Variants in NOS2 observed in about 807,000 individuals in gnomAD.
The protein encoded by NOS2 is nitric oxide synthase, inducible.
NOS2 carries 96 observed loss-of-function variants against 136.0 expected under a neutral mutation model. The observed-to-expected ratio is 0.71, with a 90% CI of 0.60 to 0.84. NOS2 has a LOEUF of 0.84. NOS2 is among the 40% of genes least tolerant of loss of function. The pLI is 0.00. For synonymous variants in NOS2, 539 were observed against 587.5 expected (o/e 0.92, Z 1.20); for missense variants, 1,237 against 1,496.9 (o/e 0.83, Z 2.87).
Position 27,758,733 on chromosome 17 carries a change from G to C in NOS2, c.3354+148C>G, listed in dbSNP as rs945576498. ...GTAAGGCCATCTGACAGCCCACCCA[G>C]CTCAGATCTCAGCCACTGCTAAGAT... On this transcript the variant is annotated intron_variant, in intron 26 of 26. Transcript: ENST00000313735. The C allele has an allele frequency of 1.5e-4, 85 of 551,720 alleles. No individual in the cohort carries two copies. In the South Asian group the frequency reaches 2.1e-3, roughly 14 times the overall value. The allele number at this position is 551,720 out of a possible 1,614,324, so 34.2% of individuals were successfully genotyped here. A position where few individuals can be genotyped will look rare whatever the true frequency, so the allele number is the denominator to read the frequency against.
At chr17:27,786,615 G>A (rs143249853) in intron 5 of NOS2, among the ~76,000 whole-genome samples, 7 of 152,262 alleles carry the variant, frequency 4.6e-5, no homozygotes, top group East Asian at 1.9e-4. Flanking sequence ...TACTTATGTC[G>A]TGCTTACTGT....
At chr17:27,794,783 A>G (rs909070152) in intron 2 of NOS2, among the ~76,000 whole-genome samples, 4 of 152,086 alleles carry the variant, frequency 2.6e-5, no homozygotes, top group Admixed American at 6.6e-5. Flanking sequence ...AAGGTATAGA[A>G]TCACCAGTCA....
In NOS2 at chr17:27,798,716, G is replaced by GGA; in HGVS notation, c.93_94insTC (p.Pro32SerfsTer9). 2 of 1,612,866 alleles carry GGA rather than the reference G, an allele frequency of 1.2e-6. No individual in the cohort carries two copies. The highest frequency in any genetic ancestry group is 1.7e-6 in the Non-Finnish European group (2 of 1,178,848). On this transcript the variant is annotated frameshift_variant, in exon 2 of 27. Transcript: ENST00000313735. LOFTEE classifies it high-confidence loss of function. ...AAAACTCACCTGGAGGTGGCACAGGGGGCTTTCTCCACATTGTTGTTGATG... is the reference window on the plus strand; with the variant it reads ...AAAACTCACCTGGAGGTGGCACAGGGGAGGCTTTCTCCACATTGTTGTTGATG...
intron 5 of NOS2, 27 bp downstream of exon 5, chr17:27,787,651 A>G: frequency 6.3e-7 from 1 of 1,584,490 alleles, no homozygotes; most frequent in Non-Finnish European, 8.6e-7. Flanking sequence ...GGCAGGAGGC[A>G]GCGACCCTGC....
In NOS2 at chr17:27,787,686, G is replaced by A; in HGVS notation, c.459C>T (p.Ser153=). Residue 153 remains serine (S), a synonymous_variant, in exon 5 of 27, where the codon TCC becomes TCT. Transcript: ENST00000313735. Reference sequence around the variant, plus strand: ...CAGGAGGCAAGCCTTACTCTTTGAAGGAGCCGTAATATTGGTTGACAAATT... The same window carrying A: ...CAGGAGGCAAGCCTTACTCTTTGAAAGAGCCGTAATATTGGTTGACAAATT... ...AIEFVNQYYG[S]FKEAKIEEHL... 2 of 1,612,218 alleles carry A rather than the reference G, an allele frequency of 1.2e-6. No homozygotes were observed. Among genetic ancestry groups the A allele is most frequent in the Non-Finnish European group, 1.7e-6 (2 of 1,179,248 alleles).
rs773959341 is a variant in NOS2 at position 27,782,081 on chromosome 17, G to A, written c.656C>T (p.Thr219Ile). The A allele has an allele frequency of 1.2e-6, 2 of 1,614,172 alleles. No homozygotes were observed. The highest frequency in any genetic ancestry group is 1.7e-6 in the Non-Finnish European group (2 of 1,180,034). Residue 219 changes from threonine to isoleucine, a missense_variant, in exon 7 of 27, where the codon ACT (threonine) becomes ATT (isoleucine). Transcript: ENST00000313735. Reference protein sequence around the residue: ...LQVFDARSCSTAREMFEHICR... With the variant: ...LQVFDARSCSIAREMFEHICR... ...GATGTGTTCAAACATTTCCCGGGCAGTGGAACAGCTGCGGGCATCGAAGAC... is the reference window on the plus strand; with the variant it reads ...GATGTGTTCAAACATTTCCCGGGCAATGGAACAGCTGCGGGCATCGAAGAC...
In NOS2 at chr17:27,761,183, C is replaced by T. The variant is rs1414608540; in HGVS notation, c.2849G>A (p.Ser950Asn). The T allele has an allele frequency of 3.1e-6, 5 of 1,609,080 alleles. No individual in the cohort carries two copies. In the East Asian group the frequency reaches 6.7e-5, roughly 22 times the overall value. ...GGGCACTGGGTCTTGGGGCTTCAGG[C>T]TGTTGAGCCATGTGCTGCAGACGCC... is the stretch of plus-strand genomic sequence containing the variant. ...HHGVCSTWLN[S>N]LKPQDPVPCF... is the part of the protein sequence containing the mutation. The change falls in exon 23 of 27, where the codon AGC becomes AAC. Residue 950 changes from serine (S) to asparagine (N), a missense_variant. Around this residue, in one of 3 missense-constraint regions of NOS2, gnomAD observed 782 missense variants for 909.9 expected, o/e 0.86. Transcript: ENST00000313735.
At chr17:27,789,736 G>A (rs1411621439) in intron 2 of NOS2, 48 bp from the exon 3 acceptor site, 4 of 1,381,508 alleles carry the variant, frequency 2.9e-6, no homozygotes, top group Non-Finnish European at 4.1e-6. Context: ...AAGGGTGGAG[G>A]GGCATCTTGG....
In NOS2 at chr17:27,790,576, G is replaced by A. The variant is rs142931973; in HGVS notation, c.111-888C>T. Among the ~76,000 whole-genome samples, 534 of 152,098 alleles carry A rather than the reference G, an allele frequency of 3.5e-3. 1 individual carries two copies. Among genetic ancestry groups the A allele is most frequent in the African/African-American group, 0.012 (510 of 41,464 alleles). On this transcript the variant is annotated intron_variant, in intron 2 of 26. Coordinates refer to ENST00000313735, the MANE Select transcript of NOS2 (RefSeq NM_000625.4). Reference sequence around the variant, plus strand: ...CCCAATTCAACAGTGATCAATCCACGGCCGATCTTGTTTCACCTATACCTT... The same window carrying A: ...CCCAATTCAACAGTGATCAATCCACAGCCGATCTTGTTTCACCTATACCTT...
chr17:27,771,175 G>A (rs866071610), intron 14 of NOS2, among the ~76,000 whole-genome samples, 158 bp from the exon 15 acceptor site: 38 of 152,176 alleles, frequency 2.5e-4, no homozygotes, highest in Admixed American at 2.3e-3. Flanking sequence ...CACAGAGGAC[G>A]TGAATGAACC....
rs1908870454 is a variant in NOS2, at chr17:27,782,169, T to C, written c.631-63A>G. 3.5e-6 allele frequency: 5 copies of C among 1,448,372 alleles called. No individual in the cohort carries two copies. The East Asian group carries it at 9.2e-5, about 27-fold the overall frequency. The allele number at this position is 1,448,372 out of a possible 1,614,324, so 89.7% of individuals were successfully genotyped here. On this transcript the variant is annotated intron_variant, in intron 6 of 26. Coordinates refer to ENST00000313735, the MANE Select transcript of NOS2 (RefSeq NM_000625.4). ...GGGTAGACAGAGGCTTTGAGGCTGA[T>C]CAGAAGTCACTGGGAATCAATAGTG...
At chr17:27,769,276 A>G (rs2151327583) in intron 16 of NOS2, 125 bp from the exon 17 acceptor site, 2 of 1,015,648 alleles carry the variant, frequency 2.0e-6, no homozygotes, top group East Asian at 5.2e-5. Flanking sequence ...ATGGAGCTGG[A>G]CCCCCTTCTG....
At chr17:27,781,432 G>A (rs545066328) in intron 7 of NOS2, among the ~76,000 whole-genome samples, 6 of 152,300 alleles carry the variant, frequency 3.9e-5, no homozygotes, top group African/African-American at 7.2e-5. Flanking sequence ...CTATGTCTCC[G>A]TCCTTGCAGT....
intron 20 of NOS2, 85 bp from the exon 21 acceptor site, chr17:27,764,229 C>T (rs1398102766): frequency 3.8e-6 from 3 of 789,814 alleles, no homozygotes; most frequent in Middle Eastern, 4.4e-4. Context: ...GGCAGACACC[C>T]TCTATTCTCC....
chr17:27,789,140 C>T (rs776347348), intron 3 of NOS2, among the ~76,000 whole-genome samples: 10 of 152,202 alleles, frequency 6.6e-5, no homozygotes, highest in Admixed American at 4.6e-4. Context: ...CCTCTCCTCA[C>T]CCAGGGCCTT....
chr17:27,783,475 C>T (rs1452818619), intron 5 of NOS2, among the ~76,000 whole-genome samples: 1 of 152,174 alleles, frequency 6.6e-6, no homozygotes, highest in Non-Finnish European at 1.5e-5. Context: ...CCTTCTCAGA[C>T]ACTTGCAAGC....
At position 27,789,057 on chromosome 17, in the gene NOS2, C is replaced by T. The variant is rs1909110961; in HGVS notation, c.196-126G>A. The T allele has an allele frequency of 3.0e-6, 4 of 1,317,128 alleles. No individual in the cohort carries two copies. The South Asian group carries it at 6.2e-5, about 20-fold the overall frequency. 81.6% of individuals were successfully genotyped at this position (1,317,128 alleles called of 1,614,324 possible). A position where few individuals can be genotyped will look rare whatever the true frequency, so the allele number is the denominator to read the frequency against. Reference sequence around the variant, plus strand: ...CAGGGTGTCCCTCCACGTCCCTCCTCTGTTTCCAGCCCCCGGGCGACCTGG... The same window carrying T: ...CAGGGTGTCCCTCCACGTCCCTCCTTTGTTTCCAGCCCCCGGGCGACCTGG... On this transcript the variant is annotated intron_variant, in intron 3 of 26. Transcript: ENST00000313735.
intron 18 of NOS2, among the ~76,000 whole-genome samples, chr17:27,767,028 C>T (rs1908327257): frequency 6.8e-6 from 1 of 147,404 alleles, no homozygotes; most frequent in Non-Finnish European, 1.5e-5. Context: ...AAAAAAAGCT[C>T]CTTGATCTGA....
chr17:27,771,004 T>A lies in NOS2; in HGVS notation c.1718A>T (p.Asp573Val). 1 of 1,613,958 alleles carries A rather than the reference T, an allele frequency of 6.2e-7. No individual in the cohort carries two copies. The highest frequency in any genetic ancestry group is 8.5e-7 in the Non-Finnish European group (1 of 1,179,920). ...CTCCAGGCAGCTCAGCCTGTACTTA[T>A]CCATGCAGACAACCTGGATGGCACC... ...CAFNPKVVCM[D>V]KYRLSCLEEE... Residue 573 changes from aspartate to valine, a missense_variant, in exon 15 of 27, where the codon GAT becomes GTT. Physicochemically the swap from Asp to Val is radical, Grantham distance 152. Around this residue, in one of 3 missense-constraint regions of NOS2, gnomAD observed 782 missense variants for 909.9 expected, o/e 0.86. Coordinates refer to ENST00000313735, the MANE Select transcript of NOS2 (RefSeq NM_000625.4).
Sources: allele counts gnomAD v4.1 joint callset (sites outside exome capture counted in the v4.1 genomes callset), GRCh38; gene constraint gnomAD v4.1.1; regional missense constraint gnomAD v4.1.1; transcripts MANE v1.5; gene names NCBI Gene and HGNC (gene_info 2026-07-23, HGNC 2026-07-21).